ADAMTS19: variants seen among roughly 807,000 people sequenced by gnomAD.
ADAMTS19 encodes ADAM metallopeptidase with thrombospondin type 1 motif 19, also known as A disintegrin and metalloproteinase with thrombospondin motifs 19.
In ADAMTS19, 93 loss-of-function variants were observed where a neutral mutation model predicts 153.3. The ratio of observed to expected loss-of-function variants is 0.61; its 90% CI spans 0.51 to 0.72. The LOEUF (loss-of-function observed/expected upper bound fraction) is 0.72, where lower values mean the gene tolerates loss of function less well. Among genes scored for constraint, ADAMTS19 ranks in the 30% least tolerant of loss-of-function variants. The pLI, the probability that ADAMTS19 is intolerant of heterozygous loss-of-function variation, is 0.00. For missense variants in ADAMTS19, 1,482 were observed against 1,552.1 expected (o/e 0.95, Z 0.76); for synonymous variants, 600 against 556.6 (o/e 1.08, Z -1.10).
chr5:129,676,085 C>G (rs1418831935), intron 16 of ADAMTS19, among the ~76,000 whole-genome samples: 1 of 152,038 alleles, frequency 6.6e-6, no homozygotes, highest in African/African-American at 2.4e-5. Flanking sequence ...ATTCTGTCAT[C>G]TCTATTATTC....
At chr5:129,583,120 C>T (rs1338617217) in intron 7 of ADAMTS19, among the ~76,000 whole-genome samples, 1 of 152,110 alleles carries the variant, frequency 6.6e-6, no homozygotes, top group Non-Finnish European at 1.5e-5. Context: ...GACAAAATCT[C>T]TCAGCATTTG....
At chr5:129,513,556 GT>G in intron 3 of ADAMTS19, among the ~76,000 whole-genome samples, 1 of 151,926 alleles carries the variant, frequency 6.6e-6, no homozygotes, top group East Asian at 1.9e-4. Flanking sequence ...GCCAGTTCAT[GT>G]AGTTATGTTA....
intron 8 of ADAMTS19, among the ~76,000 whole-genome samples, chr5:129,597,907 A>AG (rs1581128259): frequency 6.6e-6 from 1 of 151,286 alleles, no homozygotes; most frequent in South Asian, 2.1e-4. Flanking sequence ...TCTCAAAAAA[A>AG]AAAAAAGAAA....
chr5:129,566,625 A>T (rs1753719809), intron 7 of ADAMTS19, among the ~76,000 whole-genome samples: 1 of 152,168 alleles, frequency 6.6e-6, no homozygotes, highest in South Asian at 2.1e-4. Flanking sequence ...GCCTGTAGAG[A>T]TAAAACACTA....
At chr5:129,665,362 TA>T in intron 15 of ADAMTS19, 136 bp from the exon 16 acceptor site, 3 of 561,450 alleles carry the variant, frequency 5.3e-6, no homozygotes, top group Non-Finnish European at 8.9e-6. Flanking sequence ...CTTTTATATA[TA>T]AAAATTTTTC....
At chr5:129,712,155 G>A (rs1225933796) in intron 21 of ADAMTS19, among the ~76,000 whole-genome samples, 1 of 152,072 alleles carries the variant, frequency 6.6e-6, no homozygotes, top group East Asian at 1.9e-4. Flanking sequence ...GAAGGTAATT[G>A]CTTACAATTT....
At chr5:129,496,548 T>A (rs1750933180) in intron 2 of ADAMTS19, among the ~76,000 whole-genome samples, 2 of 152,024 alleles carry the variant, frequency 1.3e-5, no homozygotes, top group South Asian at 4.2e-4. Context: ...TTGCATCTAC[T>A]CTCTAGGGGT....
chr5:129,660,683 T>C (rs1404537207), intron 15 of ADAMTS19, among the ~76,000 whole-genome samples: 2 of 152,230 alleles, frequency 1.3e-5, no homozygotes, highest in African/African-American at 4.8e-5. Context: ...CTTTAATTTC[T>C]ACTTTTGTTC....
intron 16 of ADAMTS19, among the ~76,000 whole-genome samples, chr5:129,672,223 C>T (rs1016191397): frequency 2.0e-5 from 3 of 152,120 alleles, no homozygotes; most frequent in Non-Finnish European, 4.4e-5. Context: ...GAAAACTTCA[C>T]TCTCATGACC....
chr5:129,591,284 T>A (rs1750119677), intron 7 of ADAMTS19, among the ~76,000 whole-genome samples: 1 of 151,696 alleles, frequency 6.6e-6, no homozygotes, highest in African/African-American at 2.4e-5. Context: ...ATGAGCATTT[T>A]AAAATTACAC....
intron 8 of ADAMTS19, among the ~76,000 whole-genome samples, chr5:129,609,659 C>G (rs1259456618): frequency 6.6e-6 from 1 of 152,152 alleles, no homozygotes; most frequent in East Asian, 1.9e-4. Flanking sequence ...AGTTAACTTT[C>G]ATAATGAGAC....
chr5:129,717,590 T>G lies in ADAMTS19; in HGVS notation c.3312+13199T>G, dbSNP rs528187595. ...AGACCAAAAACAGTTTTTAAAAAAG[T>G]TGAGTTTCAAGGAAACAGGCAGACT... is the stretch of plus-strand genomic sequence containing the variant. On this transcript the variant is annotated intron_variant, in intron 21 of 22. Coordinates refer to ENST00000274487, the MANE Select transcript of ADAMTS19 (RefSeq NM_133638.6). 3.3e-5 allele frequency among the ~76,000 whole-genome samples: 5 copies of G among 152,318 alleles called. No individual in the cohort carries two copies. The East Asian group carries it at 5.8e-4, about 18-fold the overall frequency.
intron 2 of ADAMTS19, among the ~76,000 whole-genome samples, chr5:129,504,820 TGAC>T (rs1306396669): frequency 1.3e-5 from 2 of 151,692 alleles, no homozygotes; most frequent in African/African-American, 4.8e-5. Flanking sequence ...TTGTCACAAA[TGAC>T]AGGATTTTCC....
chr5:129,460,621 C>A, intron 1 of ADAMTS19, 139 bp downstream of exon 1: 1 of 894,396 alleles, frequency 1.1e-6, no homozygotes, highest in Non-Finnish European at 1.8e-6. Context: ...GCTTGAGGTG[C>A]AGGTTAAGGG....
chr5:129,658,857 T>A, intron 15 of ADAMTS19, 120 bp downstream of exon 15: 2 of 1,110,580 alleles, frequency 1.8e-6, no homozygotes, highest in Non-Finnish European at 2.4e-6. Context: ...CAATGGGTAT[T>A]AAATTATTTT....
At chr5:129,535,998 A>G (rs1047358597) in intron 6 of ADAMTS19, among the ~76,000 whole-genome samples, 2 of 152,200 alleles carry the variant, frequency 1.3e-5, no homozygotes, top group African/African-American at 4.8e-5. Context: ...GGACACAGGC[A>G]TGGGCAAGGA....
intron 6 of ADAMTS19, among the ~76,000 whole-genome samples, chr5:129,543,395 G>A (rs184812703): frequency 7.2e-4 from 109 of 152,202 alleles, no homozygotes; most frequent in Admixed American, 2.8e-3. Context: ...AAAAATAATA[G>A]CATATTTGAG....
chr5:129,484,323 A>G (rs1330274976), intron 2 of ADAMTS19, among the ~76,000 whole-genome samples: 1 of 152,176 alleles, frequency 6.6e-6, no homozygotes, highest in Non-Finnish European at 1.5e-5. Context: ...AATTCTGCAC[A>G]TCATGTTGAA....
intron 21 of ADAMTS19, among the ~76,000 whole-genome samples, chr5:129,726,478 T>C (rs1014158673): frequency 2.0e-5 from 3 of 152,042 alleles, no homozygotes; most frequent in African/African-American, 7.2e-5. Flanking sequence ...AATTACTTGA[T>C]ACACATGTGA....
Sources: gnomAD v4.1 joint callset for allele counts (sites outside exome capture counted in the v4.1 genomes callset) on GRCh38, gnomAD v4.1.1 for gene constraint, MANE v1.5 for transcripts, NCBI Gene and HGNC (gene_info 2026-07-23, HGNC 2026-07-21) for gene names.